The following CERKL variants were observed in gnomAD, a reference collection of about 807,000 sequenced individuals.
The protein encoded by CERKL is ceramide kinase-like protein.
CERKL carries 61 observed loss-of-function variants against 63.4 expected under a neutral mutation model. The observed-to-expected ratio is 0.96, with a 90% CI of 0.78 to 1.19. The LOEUF (loss-of-function observed/expected upper bound fraction) is 1.19, where lower values mean the gene tolerates loss of function less well. Ranked by LOEUF, CERKL falls within the 50% of genes most tolerant of loss-of-function variation. The pLI is 0.00. For missense variants in CERKL, 675 were observed against 655.5 expected (o/e 1.03, Z -0.33); for synonymous variants, 250 against 230.5 (o/e 1.08, Z -0.77).
At chr2:181,628,795 G>T (rs1392004259) in intron 1 of CERKL, among the ~76,000 whole-genome samples, 1 of 152,168 alleles carries the variant, frequency 6.6e-6, no homozygotes, top group Admixed American at 6.5e-5. Flanking sequence ...GCTGAGATCA[G>T]CAAGTTAATG....
At chr2:181,610,531 A>G (rs1189016647) in intron 1 of CERKL, among the ~76,000 whole-genome samples, 1 of 152,244 alleles carries the variant, frequency 6.6e-6, no homozygotes, top group African/African-American at 2.4e-5. Flanking sequence ...AATAAATCAT[A>G]GTCATCTTCT....
intron 11 of CERKL, 97 bp from the exon 12 acceptor site, chr2:181,539,361 C>A: frequency 1.3e-6 from 1 of 781,630 alleles, no homozygotes; most frequent in Non-Finnish European, 2.2e-6. Context: ...TAAATATCAG[C>A]ATGTATGCTG....
intron 1 of CERKL, among the ~76,000 whole-genome samples, chr2:181,623,012 C>A (rs1285722222): frequency 6.6e-6 from 1 of 152,100 alleles, no homozygotes; most frequent in Non-Finnish European, 1.5e-5. Flanking sequence ...TACTTTATTA[C>A]TCATAATTCT....
intron 2 of CERKL, among the ~76,000 whole-genome samples, chr2:181,597,830 A>AG (rs540463454): frequency 2.2e-4 from 33 of 152,250 alleles, no homozygotes; most frequent in African/African-American, 7.9e-4. Context: ...TGAAAAGCCC[A>AG]GGGGGCCAGC....
chr2:181,544,881 G>A (rs1687656020), intron 10 of CERKL, 85 bp from the exon 11 acceptor site: 2 of 747,770 alleles, frequency 2.7e-6, no homozygotes, highest in Non-Finnish European at 2.3e-6. Flanking sequence ...CTTATAACAA[G>A]TATACTGTTT....
chr2:181,544,420 T>C (rs1218702004), intron 11 of CERKL, among the ~76,000 whole-genome samples: 1 of 152,194 alleles, frequency 6.6e-6, no homozygotes, highest in Non-Finnish European at 1.5e-5. Context: ...ATTTTATCCT[T>C]AATTTATTTC....
chr2:181,587,322 A>G (rs1010959099), intron 2 of CERKL, among the ~76,000 whole-genome samples: 1 of 152,230 alleles, frequency 6.6e-6, no homozygotes, highest in Admixed American at 6.5e-5. Flanking sequence ...CTGACTGAAC[A>G]GTAATTAGCA....
chr2:181,620,227 A>G (rs970779622), intron 1 of CERKL, among the ~76,000 whole-genome samples: 2 of 152,070 alleles, frequency 1.3e-5, no homozygotes, highest in African/African-American at 4.8e-5. Flanking sequence ...ATTGGTAAAG[A>G]CCCTTACATA....
rs767020195 is a variant in CERKL at position 181,656,986 on chromosome 2, C to T, written c.21G>A (p.Arg7=). 1 of 1,580,450 alleles carries T rather than the reference C, an allele frequency of 6.3e-7. No individual in the cohort carries two copies. Among genetic ancestry groups the T allele is most frequent in the Non-Finnish European group, 8.6e-7 (1 of 1,167,734 alleles). ...CGCCCTCCAGGGCACTCACCCGGTT[C>T]CTGCGCCTCCTCCAGGGCATGGCGG... is the stretch of plus-strand genomic sequence containing the variant. MPWRRR[R]NRVSALEGGR... is the part of the protein sequence containing the mutation. The change falls in exon 1 of 13, where the codon AGG becomes AGA. Residue 7 remains arginine (R), a synonymous_variant. Transcript: ENST00000410087.
At chr2:181,625,717 G>T (rs1686669681) in intron 1 of CERKL, among the ~76,000 whole-genome samples, 1 of 152,140 alleles carries the variant, frequency 6.6e-6, no homozygotes, top group South Asian at 2.1e-4. Context: ...TCACTTTTGA[G>T]CCTGACGGGT....
intron 1 of CERKL, among the ~76,000 whole-genome samples, chr2:181,647,900 C>T (rs1687736521): frequency 6.6e-6 from 1 of 152,004 alleles, no homozygotes; most frequent in Non-Finnish European, 1.5e-5. Flanking sequence ...CAAGATCTAT[C>T]ATTTAAAACA....
At chr2:181,627,107 C>T (rs1204484912) in intron 1 of CERKL, among the ~76,000 whole-genome samples, 1 of 152,182 alleles carries the variant, frequency 6.6e-6, no homozygotes, top group East Asian at 1.9e-4. Flanking sequence ...TTGAGTGTCT[C>T]TTCTATGCCA....
At chr2:181,563,731 G>T (rs1035515204) in intron 4 of CERKL, among the ~76,000 whole-genome samples, 10 of 152,122 alleles carry the variant, frequency 6.6e-5, no homozygotes, top group African/African-American at 2.4e-4. Flanking sequence ...AATTTTACTT[G>T]CAAGAGAATT....
At chr2:181,585,171 G>T (rs1292049803) in intron 2 of CERKL, among the ~76,000 whole-genome samples, 1 of 151,908 alleles carries the variant, frequency 6.6e-6, no homozygotes, top group Admixed American at 6.6e-5. Flanking sequence ...ACATTTATTT[G>T]ATTTTTTTGA....
chr2:181,626,502 AG>A (rs1686710483), intron 1 of CERKL, among the ~76,000 whole-genome samples: 1 of 152,164 alleles, frequency 6.6e-6, no homozygotes, highest in African/African-American at 2.4e-5. Context: ...ACAGCTCCCC[AG>A]GTTTGCTCTA....
Position 181,548,818 on chromosome 2 carries a change from G to A in CERKL, c.935C>T (p.Ala312Val). ...QLVDVCTFST[A>V]GKLLRFGFSA... Reference sequence around the variant, plus strand: ...GAACCCAAAGCGAAGAAGCTTGCCAGCGGTGCTGAAGGTGCAGACGTCGAC... The same window carrying A: ...GAACCCAAAGCGAAGAAGCTTGCCAACGGTGCTGAAGGTGCAGACGTCGAC... Residue 312 changes from alanine (A) to valine (V), a missense_variant, in exon 7 of 13, where the codon GCT (alanine) becomes GTT (valine). Physicochemically the swap from Ala to Val is moderately conservative, Grantham distance 64. Coordinates refer to ENST00000410087, the MANE Select transcript of CERKL (RefSeq NM_201548.5). 1.2e-6 allele frequency: 2 copies of A among 1,614,046 alleles called. No individual in the cohort carries two copies. The highest frequency in any genetic ancestry group is 1.7e-6 in the Non-Finnish European group (2 of 1,179,948).
intron 1 of CERKL, among the ~76,000 whole-genome samples, chr2:181,606,239 T>TGGAAGATAAGGAGGAA (rs1685675902): frequency 1.1e-5 from 1 of 90,752 alleles, no homozygotes; most frequent in Non-Finnish European, 2.0e-5. Context: ...GAAGGGAGGA[T>TGGAAGATAAGGAGGAA]GGAAGACAAG....
At chr2:181,567,430 A>C (rs1688713976) in intron 3 of CERKL, among the ~76,000 whole-genome samples, 1 of 152,158 alleles carries the variant, frequency 6.6e-6, no homozygotes, top group Non-Finnish European at 1.5e-5. Context: ...TTCAGATCCA[A>C]TAATGAGCTT....
chr2:181,642,907 C>T (rs1687507315), intron 1 of CERKL, among the ~76,000 whole-genome samples: 1 of 152,130 alleles, frequency 6.6e-6, no homozygotes, highest in African/African-American at 2.4e-5. Flanking sequence ...AATTCTTTTC[C>T]TCCAGAAAAT....
Sources: gnomAD v4.1 joint callset for allele counts (sites outside exome capture counted in the v4.1 genomes callset) on GRCh38, gnomAD v4.1.1 for gene constraint, MANE v1.5 for transcripts, NCBI Gene and HGNC (gene_info 2026-07-23, HGNC 2026-07-21) for gene names.